GDAP1: variants seen among roughly 807,000 people sequenced by gnomAD.
GDAP1 encodes ganglioside-induced differentiation-associated protein 1.
Under a neutral mutation model 40.1 loss-of-function variants are expected in GDAP1, and 34 were observed. The ratio of observed to expected loss-of-function variants is 0.85; its 90% CI spans 0.64 to 1.13. The LOEUF (loss-of-function observed/expected upper bound fraction) is 1.13, where lower values mean the gene tolerates loss of function less well. Among genes scored for constraint, GDAP1 ranks in the 50% most tolerant of loss-of-function variants. The pLI, the probability that GDAP1 is intolerant of heterozygous loss-of-function variation, is 0.00. For missense variants in GDAP1, 374 were observed against 433.7 expected (o/e 0.86, Z 1.22); for synonymous variants, 170 against 157.4 (o/e 1.08, Z -0.60).
intron 2 of GDAP1, among the ~76,000 whole-genome samples, chr8:74,433,794 G>T (rs1806055739): frequency 6.6e-6 from 1 of 152,286 alleles, no homozygotes; most frequent in Admixed American, 6.5e-5. Flanking sequence ...ACCTTCAGGA[G>T]GGTATGGTAA....
chr8:74,458,827 C>T (rs1177794695), intron 2 of GDAP1, among the ~76,000 whole-genome samples: 3 of 151,730 alleles, frequency 2.0e-5, no homozygotes, highest in African/African-American at 7.3e-5. Flanking sequence ...TGACTTGTGT[C>T]CTTATAAGAA....
chr8:74,482,213 T>G (rs1414477409), intron 2 of GDAP1, among the ~76,000 whole-genome samples: 3 of 151,684 alleles, frequency 2.0e-5, no homozygotes, highest in Non-Finnish European at 4.4e-5. Flanking sequence ...AGCAGCAGCA[T>G]CAAACCTATG....
rs754386524 is a variant in GDAP1 at position 74,351,256 on chromosome 8, C to G, written c.118-18C>G. On this transcript the variant is annotated intron_variant, in intron 1 of 5. Coordinates refer to ENST00000220822, the MANE Select transcript of GDAP1 (RefSeq NM_018972.4). Reference sequence around the variant, plus strand: ...GAAAGCTTACATGTGTTGTAGTAACCAGTGTGAACTCTTCCAGGTGCGCTT... The same window carrying G: ...GAAAGCTTACATGTGTTGTAGTAACGAGTGTGAACTCTTCCAGGTGCGCTT... 6.2e-7 allele frequency: 1 copy of G among 1,604,172 alleles called. No homozygotes were observed. The highest frequency in any genetic ancestry group is 1.1e-5 in the South Asian group (1 of 90,866).
At chr8:74,405,979 T>A (rs1433480037) in intron 2 of GDAP1, among the ~76,000 whole-genome samples, 1 of 150,050 alleles carries the variant, frequency 6.7e-6, no homozygotes, top group African/African-American at 2.5e-5. Flanking sequence ...AGTTTCCACA[T>A]GGGAGATTTT....
At chr8:74,424,391 T>A (rs1290191540) in intron 2 of GDAP1, among the ~76,000 whole-genome samples, 1 of 152,164 alleles carries the variant, frequency 6.6e-6, no homozygotes, top group Non-Finnish European at 1.5e-5. Flanking sequence ...CTGAGTTTGC[T>A]CATGATCCAT....
chr8:74,394,919 A>C (rs1030270179), intron 2 of GDAP1, among the ~76,000 whole-genome samples: 2 of 152,224 alleles, frequency 1.3e-5, no homozygotes, highest in African/African-American at 4.8e-5. Flanking sequence ...AAATACCTGA[A>C]GTTGCATCAA....
At chr8:74,368,010 A>G (rs964818218), downstream of GDAP1, among the ~76,000 whole-genome samples, 1 of 152,120 alleles carries the variant, frequency 6.6e-6, no homozygotes, top group African/African-American at 2.4e-5. Context: ...TGGTGTATCT[A>G]TTTCATTCAC....
intron 2 of GDAP1, among the ~76,000 whole-genome samples, chr8:74,480,432 T>A (rs1806696851): frequency 6.6e-6 from 1 of 152,126 alleles, no homozygotes; most frequent in African/African-American, 2.4e-5. Context: ...GTTCAGGAAA[T>A]GGATACTAAA....
rs77670837 is a variant in GDAP1 at position 74,383,966 on chromosome 8, G to A, written c.165+32645G>A. ...TAAGTCTCATGTTGTTACATAACAC[G>A]CATGAATTCAACCCTTAACTCCAAG... On this transcript the variant is annotated intron_variant, in intron 2 of 2. Coordinates refer to the GDAP1 transcript ENST00000523640. 5.6e-3 allele frequency among the ~76,000 whole-genome samples: 855 copies of A among 152,124 alleles called. 8 individuals are homozygous for A. Among genetic ancestry groups the A allele is most frequent in the African/African-American group, 0.019 (791 of 41,520 alleles).
chr8:74,408,837 A>C lies in GDAP1; in HGVS notation c.165+57516A>C, dbSNP rs117368077. Among the ~76,000 whole-genome samples, 212 of 150,156 alleles carry C rather than the reference A, an allele frequency of 1.4e-3. 5 individuals are homozygous for C. The East Asian group carries it at 0.037, about 26-fold the overall frequency. On this transcript the variant is annotated intron_variant, in intron 2 of 2. Transcript: ENST00000523640. The stretch of plus-strand genomic sequence containing the variant: ...GACCCCCAATCCTTGAATCCTTCTA[A>C]TGTGGCAGTGAGTATTCCCCACTGG...
intron 2 of GDAP1, among the ~76,000 whole-genome samples, chr8:74,384,893 C>G (rs1810003712): frequency 6.6e-6 from 1 of 152,254 alleles, no homozygotes; most frequent in South Asian, 2.1e-4. Flanking sequence ...ACTGACTTTA[C>G]ATGTTGAAAT....
intron 2 of GDAP1, among the ~76,000 whole-genome samples, chr8:74,395,223 C>T (rs991815311): frequency 1.3e-5 from 2 of 152,098 alleles, no homozygotes; most frequent in Non-Finnish European, 2.9e-5. Flanking sequence ...GTATGGACAC[C>T]ACTTCAATAA....
intron 2 of GDAP1, among the ~76,000 whole-genome samples, chr8:74,442,126 G>C (rs1806169539): frequency 6.6e-6 from 1 of 152,214 alleles, no homozygotes; most frequent in African/African-American, 2.4e-5. Flanking sequence ...ATACTGTGTA[G>C]TCACATTTCA....
At chr8:74,398,746 T>A (rs909621101) in intron 2 of GDAP1, among the ~76,000 whole-genome samples, 6 of 152,024 alleles carry the variant, frequency 3.9e-5, no homozygotes, top group African/African-American at 1.2e-4. Context: ...TTATTGAGAG[T>A]TTTTAGCATG....
chr8:74,422,326 TTTCTTTCTTTCTTTCTTTCTTTCTTCCC>T (rs1473280786), intron 2 of GDAP1, among the ~76,000 whole-genome samples: 4 of 57,858 alleles, frequency 6.9e-5, no homozygotes, highest in African/African-American at 2.9e-4. Context: ...TCTTTCTTTC[TTTCTTTCTTTCTTTCTTTCTTTCTTCCC>T]TTCCTTCCTT....
chr8:74,386,943 G>A (rs2131540979), intron 2 of GDAP1, among the ~76,000 whole-genome samples: 1 of 152,228 alleles, frequency 6.6e-6, no homozygotes. Context: ...TCTCTTTGAA[G>A]CAATTGTGAA....
chr8:74,418,672 T>C (rs1805815624), intron 2 of GDAP1, among the ~76,000 whole-genome samples: 2 of 152,184 alleles, frequency 1.3e-5, no homozygotes. Flanking sequence ...CTTGATAGAA[T>C]GGACTTCATC....
At chr8:74,390,815 G>A (rs1170732246) in intron 2 of GDAP1, among the ~76,000 whole-genome samples, 1 of 152,218 alleles carries the variant, frequency 6.6e-6, no homozygotes, top group Non-Finnish European at 1.5e-5. Flanking sequence ...CTGTCCCAGG[G>A]AGATGGGAGT....
rs1256300418 is a variant in GDAP1, at chr8:74,365,781, C to A, written c.*1414C>A. ...GAAAACCTTGATGAACTATATGTTC[C>A]CGATTTACAAAAAAATTAATAAAAC... On this transcript the variant is annotated 3_prime_UTR_variant, in exon 6 of 6. Coordinates refer to ENST00000220822, the MANE Select transcript of GDAP1 (RefSeq NM_018972.4). 1 of 453,456 alleles carries A rather than the reference C, an allele frequency of 2.2e-6. No homozygotes were observed. The highest frequency in any genetic ancestry group is 2.0e-5 in the African/African-American group (1 of 49,850). 28.1% of individuals were successfully genotyped at this position (453,456 alleles called of 1,614,324 possible).
Sources: allele counts gnomAD v4.1 joint callset (sites outside exome capture counted in the v4.1 genomes callset), GRCh38; gene constraint gnomAD v4.1.1; transcripts MANE v1.5; gene names NCBI Gene and HGNC (gene_info 2026-07-23, HGNC 2026-07-21).